SNX1: variants seen among roughly 807,000 people sequenced by gnomAD.
SNX1 encodes the protein sorting nexin 1, also known as sorting nexin-1.
A neutral mutation model predicts 71.8 loss-of-function variants in SNX1; 36 were observed. The ratio of observed to expected loss-of-function variants is 0.50; its 90% CI spans 0.38 to 0.66. SNX1 has a LOEUF of 0.66. SNX1 is among the 30% of genes least tolerant of loss of function. SNX1 has a pLI of 0.00. For synonymous variants in SNX1, 254 were observed against 240.7 expected, an observed-to-expected ratio of 1.06 and a Z score of -0.51; for missense variants, 612 against 646.7, an observed-to-expected ratio of 0.95 and a Z score of 0.58.
chr15:64,096,872 G>C (rs1474813329), intron 1 of SNX1, among the ~76,000 whole-genome samples: 1 of 152,216 alleles, frequency 6.6e-6, no homozygotes, highest in East Asian at 1.9e-4. Flanking sequence ...AATGTTACCG[G>C]TAGGAGGCCC....
chr15:64,122,280 T>C (rs1020392321), intron 4 of SNX1, among the ~76,000 whole-genome samples: 1 of 151,286 alleles, frequency 6.6e-6, no homozygotes, highest in Non-Finnish European at 1.5e-5. Context: ...TTTTTTTTTT[T>C]CTTTTATCAG....
intron 1 of SNX1, among the ~76,000 whole-genome samples, chr15:64,102,208 G>A (rs2080969272): frequency 6.6e-6 from 1 of 151,994 alleles, no homozygotes; most frequent in South Asian, 2.1e-4. Context: ...CTGTTATATG[G>A]TGAGCTGCTT....
At chr15:64,127,573 G>A (rs755397371) in intron 7 of SNX1, among the ~76,000 whole-genome samples, 158 bp from the exon 8 acceptor site, 1 of 152,140 alleles carries the variant, frequency 6.6e-6, no homozygotes, top group Non-Finnish European at 1.5e-5. Flanking sequence ...ATGTGAACTT[G>A]AATATGCTTA....
intron 5 of SNX1, among the ~76,000 whole-genome samples, chr15:64,124,778 A>T (rs950777833): frequency 6.6e-6 from 1 of 152,174 alleles, no homozygotes. Context: ...TACTGCAAAT[A>T]TTGGACACAA....
At chr15:64,126,849 A>T (rs934112949) in intron 6 of SNX1, among the ~76,000 whole-genome samples, 7 of 152,274 alleles carry the variant, frequency 4.6e-5, no homozygotes, top group African/African-American at 1.4e-4. Flanking sequence ...AAGTGCTGGG[A>T]TTACAGGTGT....
chr15:64,127,199 G>C lies in SNX1; in HGVS notation c.678G>C (p.Lys226Asn). The change falls in exon 7 of 15, where the codon AAG (lysine) becomes AAC (asparagine). Residue 226 changes from lysine to asparagine, a missense_variant. By Grantham distance (94) the Lys-to-Asn change is moderately conservative. Coordinates refer to ENST00000559844, the MANE Select transcript of SNX1 (RefSeq NM_003099.5). ...LIGMTKVKVG[K>N]EDSSSAEFLE... ...GGATGACAAAAGTGAAAGTTGGGAA[G>C]GAAGATTCTTCTTCTGCAGAATTTC... The C allele has an allele frequency of 1.9e-6, 3 of 1,613,652 alleles. No individual in the cohort carries two copies. Among genetic ancestry groups the C allele is most frequent in the Non-Finnish European group, 2.5e-6 (3 of 1,179,772 alleles).
rs2081264075 is a variant in SNX1, at chr15:64,127,297, G to A, written c.731+45G>A. ...TTTCCTGAATAATGTGAGGACAAAT[G>A]AAAAGCTGAAAAGTGAGTCTAAATG... On this transcript the variant is annotated intron_variant, in intron 7 of 14. Coordinates refer to ENST00000559844, the MANE Select transcript of SNX1 (RefSeq NM_003099.5). 2.1e-6 allele frequency: 3 copies of A among 1,435,970 alleles called. No individual in the cohort carries two copies. The East Asian group carries it at 6.9e-5, about 33-fold the overall frequency. 89.0% of individuals were successfully genotyped at this position (1,435,970 alleles called of 1,614,324 possible).
intron 4 of SNX1, among the ~76,000 whole-genome samples, chr15:64,121,913 A>G (rs369723593): frequency 6.6e-5 from 10 of 152,192 alleles, no homozygotes; most frequent in African/African-American, 2.2e-4. Flanking sequence ...TTAGAATTCA[A>G]CTTTTACCAG....
chr15:64,117,988 A>G (rs1342138848), intron 2 of SNX1, 129 bp from the exon 3 acceptor site: 9 of 827,728 alleles, frequency 1.1e-5, no homozygotes, highest in African/African-American at 1.8e-5. Context: ...ACATTTTATG[A>G]CTTTCAGTCT....
chr15:64,126,872 C>T (rs541282716), intron 6 of SNX1, among the ~76,000 whole-genome samples: 11 of 152,308 alleles, frequency 7.2e-5, no homozygotes, highest in African/African-American at 2.6e-4. Context: ...GCCACTGCGC[C>T]CGGCCAGGAG....
chr15:64,096,138 A>AG lies in SNX1; in HGVS notation c.130dup (p.Glu44GlyfsTer12). 1 of 1,554,720 alleles carries AG rather than the reference A, an allele frequency of 6.4e-7. No individual in the cohort carries two copies. Among genetic ancestry groups the AG allele is most frequent in the Non-Finnish European group, 8.7e-7 (1 of 1,149,406 alleles). ...CCCGAGGCTGGGGACAGCGACACCG[A>AG]GGGGGAGGACATTTTCACCGGCGCC... On this transcript the variant is annotated frameshift_variant, in exon 1 of 15. Coordinates refer to ENST00000559844, the MANE Select transcript of SNX1 (RefSeq NM_003099.5). LOFTEE classifies it high-confidence loss of function.
intron 4 of SNX1, among the ~76,000 whole-genome samples, chr15:64,120,282 T>C (rs1179961380): frequency 6.9e-6 from 1 of 145,460 alleles, no homozygotes; most frequent in Non-Finnish European, 1.5e-5. Flanking sequence ...TTTTTTTTTT[T>C]TTTTTTTGAG....
intron 4 of SNX1, among the ~76,000 whole-genome samples, chr15:64,121,930 C>A (rs1933779948): frequency 6.6e-6 from 1 of 152,136 alleles, no homozygotes; most frequent in Non-Finnish European, 1.5e-5. Flanking sequence ...CCAGGATATG[C>A]TTTTTAGAGC....
At chr15:64,106,149 T>C (rs116841342) in intron 1 of SNX1, among the ~76,000 whole-genome samples, 222 of 152,258 alleles carry the variant, frequency 1.5e-3, no homozygotes, top group Non-Finnish European at 2.6e-3. Flanking sequence ...AGTTACAATC[T>C]CAGGTACTTC....
At chr15:64,119,369 G>A (rs1208258776) in intron 4 of SNX1, among the ~76,000 whole-genome samples, 1 of 151,908 alleles carries the variant, frequency 6.6e-6, no homozygotes, top group Non-Finnish European at 1.5e-5. Flanking sequence ...TGATCCTCCT[G>A]CCTTAGCCTC....
chr15:64,097,173 ACGGATGGTCCCTGCTTGGC>A (rs1195393481), intron 1 of SNX1, among the ~76,000 whole-genome samples: 26 of 152,220 alleles, frequency 1.7e-4, no homozygotes, highest in African/African-American at 6.3e-4. Flanking sequence ...GTGCAGATGA[ACGGATGGTCCCTGCTTGGC>A]CTGCGGCCAG....
intron 7 of SNX1, 133 bp from the exon 8 acceptor site, chr15:64,127,598 C>T (rs1485090634): frequency 1.5e-6 from 1 of 658,896 alleles, no homozygotes. Context: ...GAGAGACCTA[C>T]TTAAGTACCT....
chr15:64,107,184 A>C (rs564910770), intron 1 of SNX1, among the ~76,000 whole-genome samples: 29 of 152,184 alleles, frequency 1.9e-4, no homozygotes, highest in African/African-American at 7.0e-4. Context: ...AAATATACTA[A>C]TTTTCCCTCA....
intron 4 of SNX1, among the ~76,000 whole-genome samples, chr15:64,121,694 G>T (rs2081198534): frequency 6.6e-6 from 1 of 152,180 alleles, no homozygotes; most frequent in African/African-American, 2.4e-5. Context: ...AACAGCCCAT[G>T]GATCAGATGC....
Sources: gnomAD v4.1 joint callset for allele counts (sites outside exome capture counted in the v4.1 genomes callset) on GRCh38, gnomAD v4.1.1 for gene constraint, MANE v1.5 for transcripts, NCBI Gene and HGNC (gene_info 2026-07-23, HGNC 2026-07-21) for gene names.